The following WDFY4 variants were observed in gnomAD, a reference collection of about 807,000 sequenced individuals.
WDFY4 encodes WD repeat- and FYVE domain-containing protein 4.
Under a neutral mutation model 351.9 loss-of-function variants are expected in WDFY4, and 169 were observed. The observed-to-expected ratio is 0.48, with a 90% confidence interval of 0.42 to 0.55. WDFY4 has a LOEUF of 0.55. WDFY4 is among the 20% of genes least tolerant of loss of function. The pLI, the probability that WDFY4 is intolerant of heterozygous loss-of-function variation, is 0.00. For synonymous variants in WDFY4, 1,622 were observed against 1,574.6 expected (o/e 1.03, Z -0.71); for missense variants, 3,803 against 3,935.6 (o/e 0.97, Z 0.90).
At chr10:48,945,701 C>T (rs1289799761) in intron 49 of WDFY4, among the ~76,000 whole-genome samples, 3 of 152,208 alleles carry the variant, frequency 2.0e-5, no homozygotes, top group African/African-American at 7.2e-5. Flanking sequence ...TATTGGAGTA[C>T]ATAATGCAGT....
chr10:48,708,481 C>T (rs1246864729), intron 1 of WDFY4, among the ~76,000 whole-genome samples: 1 of 152,196 alleles, frequency 6.6e-6, no homozygotes, highest in African/African-American at 2.4e-5. Flanking sequence ...CGGATGGCTT[C>T]CTACGTGGTA....
At chr10:48,831,521 A>T (rs1002462701) in intron 38 of WDFY4, among the ~76,000 whole-genome samples, 1 of 152,194 alleles carries the variant, frequency 6.6e-6, no homozygotes, top group African/African-American at 2.4e-5. Context: ...AGAGTTAGTT[A>T]TTTCCATGTA....
chr10:48,936,197 A>G (rs561719830), intron 47 of WDFY4, among the ~76,000 whole-genome samples: 64 of 152,168 alleles, frequency 4.2e-4, no homozygotes, highest in Non-Finnish European at 9.3e-4. Context: ...TCAATTTAGA[A>G]ATAAAAACAA....
intron 1 of WDFY4, among the ~76,000 whole-genome samples, chr10:48,688,634 A>G (rs968526116): frequency 2.6e-5 from 4 of 152,214 alleles, no homozygotes; most frequent in Non-Finnish European, 5.9e-5. Flanking sequence ...CATTTTAAAC[A>G]AGAATCATTT....
intron 12 of WDFY4, among the ~76,000 whole-genome samples, chr10:48,749,235 A>G (rs1017518696): frequency 6.6e-6 from 1 of 152,164 alleles, no homozygotes; most frequent in Non-Finnish European, 1.5e-5. Context: ...AAATATATCT[A>G]TGGTGTCCAA....
intron 1 of WDFY4, among the ~76,000 whole-genome samples, chr10:48,698,187 A>C (rs1049023250): frequency 6.6e-5 from 10 of 152,268 alleles, no homozygotes; most frequent in African/African-American, 2.4e-4. Flanking sequence ...TCCACAGCTC[A>C]TGGCATGAGG....
rs2066828361 is a variant in WDFY4 at position 48,795,496 on chromosome 10, T to C, written c.4258-802T>C. The stretch of plus-strand genomic sequence containing the variant: ...TTTCATATATGTGTGTGTCTGTATA[T>C]ATATATATATATATATATATATATA... On this transcript the variant is annotated intron_variant, in intron 23 of 61. Transcript: ENST00000325239. Among the ~76,000 whole-genome samples the C allele has an allele frequency of 1.2e-4, 5 of 42,776 alleles. No individual in the cohort carries two copies. The South Asian group carries it at 7.4e-3, about 63-fold the overall frequency. 28.1% of individuals were successfully genotyped at this position (42,776 alleles called of 152,430 possible). A position where few individuals can be genotyped will look rare whatever the true frequency, so the allele number is the denominator to read the frequency against.
chr10:48,811,775 C>G, intron 30 of WDFY4, 67 bp downstream of exon 30: 2 of 1,480,368 alleles, frequency 1.4e-6, no homozygotes, highest in Non-Finnish European at 9.1e-7. Context: ...TAAGGCAGGT[C>G]GCCAAGACCC....
chr10:48,758,769 C>G (rs1206199779), intron 12 of WDFY4, among the ~76,000 whole-genome samples: 1 of 152,082 alleles, frequency 6.6e-6, no homozygotes, highest in Non-Finnish European at 1.5e-5. Context: ...TATTTATTTA[C>G]TGAAACTTTC....
intron 17 of WDFY4, 99 bp downstream of exon 17, chr10:48,777,594 G>C (rs2066075868): frequency 1.7e-6 from 2 of 1,203,792 alleles, no homozygotes; most frequent in Non-Finnish European, 2.4e-6. Flanking sequence ...TTTCAATAAA[G>C]TGTGAGCTGT....
intron 40 of WDFY4, among the ~76,000 whole-genome samples, chr10:48,871,681 T>A (rs1253875829): frequency 6.6e-6 from 1 of 152,216 alleles, no homozygotes; most frequent in African/African-American, 2.4e-5. Context: ...CTTGCTATGT[T>A]GCCCAGGCTG....
chr10:48,804,737 T>A (rs1166254503), intron 25 of WDFY4: 1 of 984,556 alleles, frequency 1.0e-6, no homozygotes, highest in Non-Finnish European at 1.2e-6. Context: ...TTTGGGGGAG[T>A]AGAATTTACT....
chr10:48,845,705 C>T (rs1053236951), intron 39 of WDFY4, among the ~76,000 whole-genome samples: 1 of 152,098 alleles, frequency 6.6e-6, no homozygotes, highest in Admixed American at 6.5e-5. Context: ...TGACTCTCTC[C>T]CCAGAGGCTT....
chr10:48,711,895 C>T (rs374779805), intron 2 of WDFY4, among the ~76,000 whole-genome samples: 5 of 152,226 alleles, frequency 3.3e-5, no homozygotes, highest in Middle Eastern at 3.4e-3. Context: ...CTAATACTGA[C>T]GGTTGTATGG....
rs1361294051 is a variant in WDFY4, at chr10:48,709,967, G to T, written c.234+1G>T. On this transcript the variant is annotated splice_donor_variant, in intron 2 of 61. Coordinates refer to ENST00000325239, the MANE Select transcript of WDFY4 (RefSeq NM_001394531.1). LOFTEE classifies it high-confidence loss of function. ...GAGTCTTCTCCCCCTATTCCTAAAGGTTAGTGTTCTTATTTTTGAAACTGT... is the reference window on the plus strand; with the variant it reads ...GAGTCTTCTCCCCCTATTCCTAAAGTTTAGTGTTCTTATTTTTGAAACTGT... 1.3e-6 allele frequency: 2 copies of T among 1,545,620 alleles called. No homozygotes were observed. The highest frequency in any genetic ancestry group is 1.7e-6 in the Non-Finnish European group (2 of 1,143,056).
chr10:48,687,781 A>AT (rs35915325), intron 1 of WDFY4, among the ~76,000 whole-genome samples: 2,334 of 108,234 alleles, frequency 0.022, 74 homozygotes, highest in African/African-American at 0.062. Flanking sequence ...CACCTGGCTA[A>AT]TTTTTTTTTT....
intron 2 of WDFY4, among the ~76,000 whole-genome samples, chr10:48,711,479 G>A (rs925351084): frequency 1.3e-5 from 2 of 152,034 alleles, no homozygotes; most frequent in African/African-American, 4.8e-5. Context: ...GCAAGTCACT[G>A]GCAATGGGGA....
In WDFY4 at chr10:48,776,778, G is replaced by A; in HGVS notation, c.2892G>A (p.Glu964=). Residue 964 remains glutamate (E), a synonymous_variant, in exon 16 of 62, where the codon GAG becomes GAA. Transcript: ENST00000325239. Reference sequence around the variant, plus strand: ...CACAGACTGCACAGGGCTTGGCTGAGGGGCCCTGGCCAGCTGCCCCAGATG... The same window carrying A: ...CACAGACTGCACAGGGCTTGGCTGAAGGGCCCTGGCCAGCTGCCCCAGATG... The part of the protein sequence containing the change: ...SGSQTAQGLA[E]GPWPAAPDAG... The A allele has an allele frequency of 6.5e-7, 1 of 1,549,842 alleles. No homozygotes were observed. Among genetic ancestry groups the A allele is most frequent in the South Asian group, 1.2e-5 (1 of 83,920 alleles).
At chr10:48,787,900 CTTCTTCTTCTTCTTCTTCTTCTT>C (rs1565198578) in intron 20 of WDFY4, among the ~76,000 whole-genome samples, 2 of 27,216 alleles carry the variant, frequency 7.3e-5, no homozygotes, top group Non-Finnish European at 1.4e-4. Flanking sequence ...TCTCCTTCTT[CTTCTTCTTCTTCTTCTTCTTCTT>C]CTTCTTCTTC....
Sources: allele counts gnomAD v4.1 joint callset (sites outside exome capture counted in the v4.1 genomes callset), GRCh38; gene constraint gnomAD v4.1.1; transcripts MANE v1.5; gene names NCBI Gene and HGNC (gene_info 2026-07-23, HGNC 2026-07-21).